ARMC8: variants seen among roughly 807,000 people sequenced by gnomAD.
ARMC8 encodes the protein armadillo repeat containing 8.
A neutral mutation model predicts 99.3 loss-of-function variants in ARMC8; 20 were observed. The ratio of observed to expected loss-of-function variants is 0.20; its 90% CI spans 0.14 to 0.29. ARMC8 has a LOEUF of 0.29. Ranked by LOEUF, ARMC8 falls within the 10% of genes least tolerant of loss-of-function variation. The probability of loss-of-function intolerance (pLI) is 1.00; values close to 1 mark genes in which losing one functional copy is unlikely to be tolerated. For synonymous variants in ARMC8, 263 were observed against 278.3 expected (o/e 0.95, Z 0.55); for missense variants, 569 against 809.5 (o/e 0.70, Z 3.60).
intron 1 of ARMC8, chr3:138,188,213 G>C (rs1474342941): frequency 4.9e-6 from 2 of 412,278 alleles, no homozygotes; most frequent in Non-Finnish European, 4.4e-6. Context: ...CCTCCGCTCT[G>C]CTCAGAGGTC....
At chr3:138,222,956 A>G (rs2045482510) in intron 3 of ARMC8, among the ~76,000 whole-genome samples, 1 of 152,192 alleles carries the variant, frequency 6.6e-6, no homozygotes, top group Non-Finnish European at 1.5e-5. Flanking sequence ...AGGGCTCTGA[A>G]TATTCCCTAT....
chr3:138,210,181 G>A (rs1343766067), intron 2 of ARMC8, among the ~76,000 whole-genome samples: 2 of 152,166 alleles, frequency 1.3e-5, no homozygotes, highest in Non-Finnish European at 2.9e-5. Flanking sequence ...ATCCACAAAA[G>A]CAGGAGAATA....
At chr3:138,280,435 A>T (rs1170796783) in intron 18 of ARMC8, among the ~76,000 whole-genome samples, 1 of 149,698 alleles carries the variant, frequency 6.7e-6, no homozygotes, top group African/African-American at 2.5e-5. Context: ...CTCGTGCCTC[A>T]GCCTCCCAAG....
intron 13 of ARMC8, 98 bp from the exon 14 acceptor site, chr3:138,264,033 C>T (rs778366165): frequency 2.1e-5 from 24 of 1,135,306 alleles, no homozygotes; most frequent in Non-Finnish European, 3.0e-5. Context: ...TGTAGATATG[C>T]TTGAAGTGTA....
chr3:138,215,883 CAG>C (rs1448068611), intron 2 of ARMC8, among the ~76,000 whole-genome samples: 2 of 150,454 alleles, frequency 1.3e-5, no homozygotes, highest in Admixed American at 6.6e-5. Flanking sequence ...TTTTTTGAGA[CAG>C]AGTCTTGCTC....
rs1377142123 is a variant in ARMC8 at position 138,289,042 on chromosome 3, T to C, written c.1822-6T>C. 1 of 1,611,226 alleles carries C rather than the reference T, an allele frequency of 6.2e-7. No individual in the cohort carries two copies. The highest frequency in any genetic ancestry group is 2.2e-5 in the East Asian group (1 of 44,858). On this transcript the variant is annotated splice_polypyrimidine_tract_variant and splice_region_variant and intron_variant, in intron 19 of 21. Coordinates refer to ENST00000469044, the MANE Select transcript of ARMC8 (RefSeq NM_001363941.2). ...TTGATTTTTTTTTCTTTTTCTGTAT[T>C]AATAGGGCCATTCACATGTTAAACT...
At chr3:138,199,388 G>A (rs2043922953) in intron 1 of ARMC8, among the ~76,000 whole-genome samples, 1 of 152,172 alleles carries the variant, frequency 6.6e-6, no homozygotes, top group Admixed American at 6.5e-5. Flanking sequence ...TCCTTTTGGA[G>A]AAAATTGGAA....
intron 16 of ARMC8, among the ~76,000 whole-genome samples, chr3:138,270,543 C>T (rs2048693550): frequency 6.6e-6 from 1 of 152,090 alleles, no homozygotes; most frequent in Admixed American, 6.5e-5. Context: ...TAAACTAAGG[C>T]ACAGAATGAT....
intron 14 of ARMC8, 72 bp from the exon 15 acceptor site, chr3:138,267,083 A>G: frequency 1.3e-6 from 1 of 790,474 alleles, no homozygotes; most frequent in Admixed American, 3.2e-5. Context: ...TTTTATTTAT[A>G]TTTTATATCT....
chr3:138,246,417 T>A, intron 12 of ARMC8: 3 of 985,618 alleles, frequency 3.0e-6, no homozygotes, highest in Non-Finnish European at 3.6e-6. Context: ...TATATATGAT[T>A]TATGGATGTT....
At chr3:138,281,915 A>G (rs1184569197) in intron 18 of ARMC8, among the ~76,000 whole-genome samples, 2 of 152,156 alleles carry the variant, frequency 1.3e-5, no homozygotes, top group Admixed American at 6.5e-5. Context: ...TAAAATTCTT[A>G]TTCATAATAA....
At chr3:138,238,903 C>T (rs1432423539) in intron 9 of ARMC8, 1 of 152,178 alleles carries the variant, frequency 6.6e-6, no homozygotes, top group Non-Finnish European at 1.5e-5. Flanking sequence ...TATTCTTATT[C>T]AAAGGCAGCT....
chr3:138,205,055 C>CT (rs2044284129), intron 1 of ARMC8, among the ~76,000 whole-genome samples: 1 of 113,680 alleles, frequency 8.8e-6, no homozygotes, highest in African/African-American at 3.5e-5. Context: ...CTTTTCTTTT[C>CT]TTTTCTTTTT....
At chr3:138,223,957 CTTTT>C (rs1037473550) in intron 5 of ARMC8, among the ~76,000 whole-genome samples, 3 of 133,638 alleles carry the variant, frequency 2.2e-5, no homozygotes, top group Non-Finnish European at 1.6e-5. Flanking sequence ...GACTCCATCT[CTTTT>C]TTTTTTTTTT....
Position 138,297,652 on chromosome 3 carries a change from T to TA in ARMC8, c.*1761dup, listed in dbSNP as rs2051604866. ...GATTCAAACACAGAGACTTCCAAGTTACTATTTTTTCAGAACATCACCGAT... is the reference window on the plus strand; with the variant it reads ...GATTCAAACACAGAGACTTCCAAGTTAACTATTTTTTCAGAACATCACCGAT... On this transcript the variant is annotated 3_prime_UTR_variant, in exon 22 of 22. Coordinates refer to ENST00000469044, the MANE Select transcript of ARMC8 (RefSeq NM_001363941.2). 1 of 152,240 alleles carries TA rather than the reference T, an allele frequency of 6.6e-6. No homozygotes were observed. The highest frequency in any genetic ancestry group is 2.4e-5 in the African/African-American group (1 of 41,462). 9.4% of individuals were successfully genotyped at this position (152,240 alleles called of 1,614,324 possible). A position where few individuals can be genotyped will look rare whatever the true frequency, so the allele number is the denominator to read the frequency against.
chr3:138,213,581 A>G (rs1421459710), intron 2 of ARMC8, among the ~76,000 whole-genome samples: 3 of 152,316 alleles, frequency 2.0e-5, no homozygotes, highest in East Asian at 1.9e-4. Context: ...CTTCGCAACT[A>G]CAACAGAAGT....
chr3:138,282,952 G>A (rs1168087027), intron 18 of ARMC8, among the ~76,000 whole-genome samples: 1 of 152,144 alleles, frequency 6.6e-6, no homozygotes, highest in African/African-American at 2.4e-5. Context: ...CCATGTACCA[G>A]TGCTTATGTA....
chr3:138,189,726 A>C (rs1180053476), intron 1 of ARMC8, among the ~76,000 whole-genome samples: 1 of 152,200 alleles, frequency 6.6e-6, no homozygotes, highest in African/African-American at 2.4e-5. Flanking sequence ...CTCCTTGGGA[A>C]ATCTCATTGA....
chr3:138,266,900 C>G (rs780466649), intron 14 of ARMC8, among the ~76,000 whole-genome samples: 12 of 152,138 alleles, frequency 7.9e-5, no homozygotes, highest in Non-Finnish European at 1.5e-4. Context: ...CCTGACATGT[C>G]TCTCTCCTCC....
Sources: gnomAD v4.1 joint callset for allele counts (sites outside exome capture counted in the v4.1 genomes callset) on GRCh38, gnomAD v4.1.1 for gene constraint, MANE v1.5 for transcripts, NCBI Gene and HGNC (gene_info 2026-07-23, HGNC 2026-07-21) for gene names.